Variants in ACSM2A observed in about 807,000 individuals in gnomAD.
The protein encoded by ACSM2A is acyl-CoA synthetase medium chain family member 2A.
Under a neutral mutation model 76.6 loss-of-function variants are expected in ACSM2A, and 72 were observed. That is an observed-to-expected ratio of 0.94 (90% CI 0.78 to 1.14). ACSM2A has a LOEUF of 1.14. ACSM2A is among the 50% of genes most tolerant of loss of function. The pLI is 0.00. For synonymous variants in ACSM2A, 249 were observed against 255.9 expected (o/e 0.97, Z 0.26); for missense variants, 684 against 708.5 (o/e 0.97, Z 0.39).
At chr16:20,455,176 G>C in intron 1 of ACSM2A, among the ~76,000 whole-genome samples, 1 of 151,256 alleles carries the variant, frequency 6.6e-6, no homozygotes, top group African/African-American at 2.4e-5. Flanking sequence ...AAGAATAATT[G>C]GCATCCTTGA....
At chr16:20,475,952 G>T in intron 8 of ACSM2A, 179 bp downstream of exon 8, 1 of 1,404,354 alleles carries the variant, frequency 7.1e-7, no homozygotes, top group Non-Finnish European at 9.4e-7. Context: ...AAAAGGCAAA[G>T]TTCCTGTTTT....
chr16:20,462,256 T>C (rs2012667151), intron 2 of ACSM2A, among the ~76,000 whole-genome samples: 1 of 152,100 alleles, frequency 6.6e-6, no homozygotes, highest in South Asian at 2.1e-4. Context: ...ACTATGCTTA[T>C]AGCTTAGCAG....
At chr16:20,456,985 C>A (rs1206403208) in intron 1 of ACSM2A, among the ~76,000 whole-genome samples, 1 of 150,746 alleles carries the variant, frequency 6.6e-6, no homozygotes, top group African/African-American at 2.4e-5. Context: ...ACAACCGACA[C>A]CACAGAAATA....
At chr16:20,473,441 G>A (rs1483626506) in intron 6 of ACSM2A, among the ~76,000 whole-genome samples, 1 of 152,138 alleles carries the variant, frequency 6.6e-6, no homozygotes, top group Non-Finnish European at 1.5e-5. Context: ...TATAGCAAAT[G>A]AGTATGTAGT....
At chr16:20,462,273 G>A (rs1000688565) in intron 2 of ACSM2A, among the ~76,000 whole-genome samples, 4 of 152,160 alleles carry the variant, frequency 2.6e-5, no homozygotes, top group Admixed American at 2.0e-4. Flanking sequence ...GCAGAATTGA[G>A]ACCCCTACCA....
intron 1 of ACSM2A, among the ~76,000 whole-genome samples, chr16:20,457,620 T>G (rs1176085508): frequency 6.6e-6 from 1 of 152,048 alleles, no homozygotes; most frequent in African/African-American, 2.4e-5. Context: ...CAGCATCCTC[T>G]TATGATTAAA....
intron 3 of ACSM2A, among the ~76,000 whole-genome samples, chr16:20,469,077 G>C (rs1223974417): frequency 6.6e-6 from 1 of 152,136 alleles, no homozygotes; most frequent in Admixed American, 6.5e-5. Context: ...TAATGTCCCA[G>C]GGATGAAATA....
chr16:20,473,290 G>C (rs1435081865), intron 6 of ACSM2A, among the ~76,000 whole-genome samples: 8 of 152,104 alleles, frequency 5.3e-5, no homozygotes, highest in Non-Finnish European at 8.8e-5. Flanking sequence ...CTTACTCTGT[G>C]TCCTTCTCAA....
intron 13 of ACSM2A, 139 bp downstream of exon 13, chr16:20,483,316 T>A: frequency 7.3e-7 from 1 of 1,369,414 alleles, no homozygotes; most frequent in Non-Finnish European, 9.8e-7. Context: ...ACGCCTGTAA[T>A]CCCAGCACTT....
chr16:20,477,157 A>G, intron 8 of ACSM2A: 6 of 771,406 alleles, frequency 7.8e-6, no homozygotes. Context: ...GGAGTGGTAG[A>G]TGGGTTGCTT....
rs1230548618 is a variant in ACSM2A, at chr16:20,460,210, C to T, written c.96C>T (p.Ser32=). Residue 32 remains serine (S), a synonymous_variant, in exon 2 of 14, where the codon TCC becomes TCT. Coordinates refer to ENST00000573854, the MANE Select transcript of ACSM2A (RefSeq NM_001308172.2). The part of the protein sequence containing the change: ...TLYINSRQLV[S]LQWGHQEVPA... ...ACATTAATAGTAGGCAACTGGTGTC[C>T]CTGCAGTGGGGCCACCAGGAAGTGC... 6.2e-7 allele frequency: 1 copy of T among 1,613,460 alleles called. No individual in the cohort carries two copies. Among genetic ancestry groups the T allele is most frequent in the Non-Finnish European group, 8.5e-7 (1 of 1,179,732 alleles).
chr16:20,473,522 A>G (rs1464497743), intron 6 of ACSM2A, among the ~76,000 whole-genome samples: 1 of 152,206 alleles, frequency 6.6e-6, no homozygotes, highest in African/African-American at 2.4e-5. Flanking sequence ...ATATCTGTGT[A>G]TCAAGCACAC....
intron 1 of ACSM2A, among the ~76,000 whole-genome samples, chr16:20,456,844 A>T (rs557621870): frequency 6.6e-6 from 1 of 151,316 alleles, no homozygotes; most frequent in Non-Finnish European, 1.5e-5. Flanking sequence ...AATACAAAAG[A>T]TAAATGAAAC....
chr16:20,478,819 T>C (rs1265321838), intron 10 of ACSM2A, 142 bp downstream of exon 10: 5 of 1,219,800 alleles, frequency 4.1e-6, no homozygotes, highest in Non-Finnish European at 5.5e-6. Context: ...AATGTATGCT[T>C]TGCCAGTGGA....
Position 20,478,489 on chromosome 16 carries a change from T to C in ACSM2A, c.1180-87T>C, listed in dbSNP as rs2013884991. ...GTCTCCACTAGAGCAAGAGGGTCTT[T>C]CATTTGACCAATTCAGCAATCTCAT... On this transcript the variant is annotated intron_variant, in intron 9 of 13. Transcript: ENST00000573854. 7 of 1,491,912 alleles carry C rather than the reference T, an allele frequency of 4.7e-6. No homozygotes were observed. The South Asian group carries it at 9.1e-5, about 19-fold the overall frequency. 92.4% of individuals were successfully genotyped at this position (1,491,912 alleles called of 1,614,324 possible).
rs1313776843 is a variant in ACSM2A at position 20,486,626 on chromosome 16, C to A, written c.1682C>A (p.Ala561Asp). 8 of 1,614,186 alleles carry A rather than the reference C, an allele frequency of 5.0e-6. No individual in the cohort carries two copies. Among genetic ancestry groups the A allele is most frequent in the Non-Finnish European group, 6.8e-6 (8 of 1,180,024 alleles). The change falls in exon 14 of 14, where the codon GCC becomes GAC. Residue 561 changes from alanine (A) to aspartate (D), a missense_variant. Ala to Asp is a moderately radical substitution (Grantham distance 126). Around this residue, in one of 3 missense-constraint regions of ACSM2A, gnomAD observed 159 missense variants for 132.5 expected, o/e 1.20. Transcript: ENST00000573854. ...ACTGTCACAGGGAAAATTCAACGAG[C>A]CAAGCTTCGAGACAAGGAGTGGAAG... ...PKTVTGKIQRAKLRDKEWKMS... is the reference protein window; with the variant it reads ...PKTVTGKIQRDKLRDKEWKMS...
At position 20,471,750 on chromosome 16, in the gene ACSM2A, A is replaced by G. The variant is rs2013426054; in HGVS notation, c.894+61A>G. Reference sequence around the variant, plus strand: ...GTGAGCCCGAGGTTTGCACACTTCAATTTATTGTAGTTTGTTTCAATTCAT... The same window carrying G: ...GTGAGCCCGAGGTTTGCACACTTCAGTTTATTGTAGTTTGTTTCAATTCAT... On this transcript the variant is annotated intron_variant, in intron 6 of 13. Transcript: ENST00000573854. 3 of 1,563,324 alleles carry G rather than the reference A, an allele frequency of 1.9e-6. No homozygotes were observed. In the African/African-American group the frequency reaches 4.1e-5, roughly 21 times the overall value.
At chr16:20,459,945 G>A (rs368769312) in intron 1 of ACSM2A, among the ~76,000 whole-genome samples, 162 bp from the exon 2 acceptor site, 3 of 152,074 alleles carry the variant, frequency 2.0e-5, no homozygotes, top group South Asian at 4.2e-4. Context: ...CACCCCACAA[G>A]GAGACTGAAA....
rs747677104 is a variant in ACSM2A, at chr16:20,478,562, G to A, written c.1180-14G>A. ...GCTGTGTGCATCATTCTTCCAATCT[G>A]CTTCTTTCTCCAGATCATAGATGAT... On this transcript the variant is annotated splice_polypyrimidine_tract_variant and intron_variant, in intron 9 of 13. Coordinates refer to ENST00000573854, the MANE Select transcript of ACSM2A (RefSeq NM_001308172.2). 3.7e-6 allele frequency: 6 copies of A among 1,611,608 alleles called. No individual in the cohort carries two copies. The highest frequency in any genetic ancestry group is 5.1e-6 in the Non-Finnish European group (6 of 1,178,576).
Sources: allele counts gnomAD v4.1 joint callset (sites outside exome capture counted in the v4.1 genomes callset), GRCh38; gene constraint gnomAD v4.1.1; regional missense constraint gnomAD v4.1.1; transcripts MANE v1.5; gene names NCBI Gene and HGNC (gene_info 2026-07-23, HGNC 2026-07-21).